Variants in FASTKD2 observed in about 807,000 individuals in gnomAD.
The protein encoded by FASTKD2 is FAST kinase domain-containing protein 2, mitochondrial.
A neutral mutation model predicts 63.6 loss-of-function variants in FASTKD2; 51 were observed. The ratio of observed to expected loss-of-function variants is 0.80; its 90% CI spans 0.64 to 1.01. The LOEUF (loss-of-function observed/expected upper bound fraction) is 1.01, where lower values mean the gene tolerates loss of function less well. Ranked by LOEUF, FASTKD2 falls within the 50% of genes least tolerant of loss-of-function variation. The pLI, the probability that FASTKD2 is intolerant of heterozygous loss-of-function variation, is 0.00. For missense variants in FASTKD2, 786 were observed against 831.1 expected (o/e 0.95, Z 0.67); for synonymous variants, 284 against 293.4 (o/e 0.97, Z 0.33).
intron 7 of FASTKD2, 135 bp from the exon 8 acceptor site, chr2:206,786,598 T>G (rs1368574369): frequency 3.8e-6 from 3 of 796,498 alleles, no homozygotes; most frequent in Admixed American, 1.8e-5. Context: ...ACACTTATTA[T>G]GAGATAACCA....
chr2:206,767,260 G>C lies in FASTKD2; in HGVS notation c.567G>C (p.Trp189Cys). ...GTAGCAACTATTTCACAGCAATGTG[G>C]ACAATTGCCAAAAGACTGTCTGATG... ...FPSSNYFTAMWTIAKRLSDDQ... is the reference protein window; with the variant it reads ...FPSSNYFTAMCTIAKRLSDDQ... Residue 189 changes from tryptophan to cysteine, a missense_variant, in exon 2 of 12, where the codon TGG (tryptophan) becomes TGC (cysteine). Transcript: ENST00000402774. 6.2e-7 allele frequency: 1 copy of C among 1,614,192 alleles called. No individual in the cohort carries two copies. The highest frequency in any genetic ancestry group is 2.2e-5 in the East Asian group (1 of 44,884).
rs947729535 is a variant in FASTKD2, at chr2:206,792,960, C to T, written c.*1158C>T. 2.0e-5 allele frequency among the ~76,000 whole-genome samples: 3 copies of T among 152,080 alleles called. No individual in the cohort carries two copies. Among genetic ancestry groups the T allele is most frequent in the Non-Finnish European group, 4.4e-5 (3 of 68,020 alleles). On this transcript the variant is annotated 3_prime_UTR_variant, in exon 12 of 12. Coordinates refer to ENST00000402774, the MANE Select transcript of FASTKD2 (RefSeq NM_001136193.2). ...AAAAACTGGGCTGGGCACGGTGGCT[C>T]GTGCTTGTCATCCCAGCACTTGGGA...
intron 9 of FASTKD2, 136 bp downstream of exon 9, chr2:206,788,291 A>T: frequency 1.6e-6 from 1 of 619,028 alleles, no homozygotes; most frequent in Non-Finnish European, 2.8e-6. Context: ...TTCTTGCCTC[A>T]TAAAATTCTT....
chr2:206,765,615 A>G lies in FASTKD2; in HGVS notation c.-183A>G. The G allele has an allele frequency of 2.3e-6, 2 of 863,760 alleles. No individual in the cohort carries two copies. Among genetic ancestry groups the G allele is most frequent in the Non-Finnish European group, 2.9e-6 (2 of 697,586 alleles). The allele number at this position is 863,760 out of a possible 1,614,324, so 53.5% of individuals were successfully genotyped here. On this transcript the variant is annotated 5_prime_UTR_variant, in exon 1 of 12. It removes an upstream start codon present in the reference 5' UTR. Transcript: ENST00000402774. ...AGCGCAGCTTCTCGGGGAAGCTGTCATGGCTGCTCCTGTACGTAGTCACGG... is the reference window on the plus strand; with the variant it reads ...AGCGCAGCTTCTCGGGGAAGCTGTCGTGGCTGCTCCTGTACGTAGTCACGG...
rs577105880 is a variant in FASTKD2, at chr2:206,765,628, T to A, written c.-170T>A. 3.6e-5 allele frequency: 27 copies of A among 745,340 alleles called. No individual in the cohort carries two copies. Among genetic ancestry groups the A allele is most frequent in the Non-Finnish European group, 4.4e-5 (26 of 594,856 alleles). 46.2% of individuals were successfully genotyped at this position (745,340 alleles called of 1,614,324 possible). On this transcript the variant is annotated 5_prime_UTR_variant, in exon 1 of 12. Transcript: ENST00000402774. ...GGGGAAGCTGTCATGGCTGCTCCTG[T>A]ACGTAGTCACGGTCTTGTGCTCTAA...
intron 6 of FASTKD2, among the ~76,000 whole-genome samples, chr2:206,773,333 A>G (rs547713420): frequency 8.5e-4 from 129 of 151,838 alleles, no homozygotes; most frequent in African/African-American, 2.7e-3. Flanking sequence ...AAAAAAAAAA[A>G]AAAAGGGTTG....
Position 206,766,782 on chromosome 2 carries a change from A to G in FASTKD2, c.89A>G (p.Gln30Arg), listed in dbSNP as rs1264781154. The change falls in exon 2 of 12, where the codon CAA becomes CGA. Residue 30 changes from glutamine (Q) to arginine (R), a missense_variant. Coordinates refer to ENST00000402774, the MANE Select transcript of FASTKD2 (RefSeq NM_001136193.2). ...KAGSFFWNLR[Q>R]FSTLVSTSRT... ...GGCTCCTTTTTCTGGAACCTTAGACAATTCAGTACATTAGTTTCAACAAGC... is the reference window on the plus strand; with the variant it reads ...GGCTCCTTTTTCTGGAACCTTAGACGATTCAGTACATTAGTTTCAACAAGC... 6.2e-7 allele frequency: 1 copy of G among 1,613,632 alleles called. No homozygotes were observed.
In FASTKD2 at chr2:206,793,064, TACAAAAA is replaced by T. The variant is rs1383920717; in HGVS notation, c.*1264_*1270del. Among the ~76,000 whole-genome samples, 3 of 151,128 alleles carry T rather than the reference TACAAAAA, an allele frequency of 2.0e-5. No individual in the cohort carries two copies. The highest frequency in any genetic ancestry group is 4.4e-5 in the Non-Finnish European group (3 of 67,846). ...CGGTGAAACCCCATCTCTACTAAAA[TACAAAAA>T]ATTAGCCGGGCATGGTGGTGCATGC... On this transcript the variant is annotated 3_prime_UTR_variant, in exon 12 of 12. Coordinates refer to ENST00000402774, the MANE Select transcript of FASTKD2 (RefSeq NM_001136193.2).
In FASTKD2 at chr2:206,767,436, C is replaced by A. The variant is rs779823675; in HGVS notation, c.743C>A (p.Thr248Asn). 3.1e-6 allele frequency: 5 copies of A among 1,612,500 alleles called. No homozygotes were observed. In the Admixed American group the frequency reaches 8.3e-5, roughly 27 times the overall value. ...GTGAAGCTTGGAATCCCTCAGAACACTATTTTGGTGCAGACTTTGCTGAGG... is the reference window on the plus strand; with the variant it reads ...GTGAAGCTTGGAATCCCTCAGAACAATATTTTGGTGCAGACTTTGCTGAGG... ...AIVKLGIPQN[T>N]ILVQTLLRVT... Residue 248 changes from threonine (T) to asparagine (N), a missense_variant, in exon 2 of 12, where the codon ACT (threonine) becomes AAT (asparagine). Physicochemically the swap from Thr to Asn is moderately conservative, Grantham distance 65 (BLOSUM62 0). Transcript: ENST00000402774.
At chr2:206,777,076 A>G (rs756482350) in intron 7 of FASTKD2, among the ~76,000 whole-genome samples, 1 of 151,958 alleles carries the variant, frequency 6.6e-6, no homozygotes, top group Non-Finnish European at 1.5e-5. Flanking sequence ...TGTTTTCCCA[A>G]TTTCCTTTTT....
intron 3 of FASTKD2, 98 bp downstream of exon 3, chr2:206,770,292 G>T (rs1689635115): frequency 2.4e-6 from 2 of 819,416 alleles, no homozygotes; most frequent in East Asian, 2.5e-5. Flanking sequence ...TTTCTTGAGG[G>T]GAGGAGGGGT....
chr2:206,775,299 C>A (rs1386777829), intron 7 of FASTKD2, among the ~76,000 whole-genome samples: 1 of 148,726 alleles, frequency 6.7e-6, no homozygotes, highest in Non-Finnish European at 1.5e-5. Context: ...AGGGATTCTG[C>A]TTTTACTAAG....
At position 206,792,961 on chromosome 2, in the gene FASTKD2, G is replaced by A. The variant is rs575685523; in HGVS notation, c.*1159G>A. ...AAAACTGGGCTGGGCACGGTGGCTC[G>A]TGCTTGTCATCCCAGCACTTGGGAG... is the stretch of plus-strand genomic sequence containing the variant. On this transcript the variant is annotated 3_prime_UTR_variant, in exon 12 of 12. Coordinates refer to ENST00000402774, the MANE Select transcript of FASTKD2 (RefSeq NM_001136193.2). 1.1e-4 allele frequency among the ~76,000 whole-genome samples: 17 copies of A among 152,084 alleles called. No homozygotes were observed. Among genetic ancestry groups the A allele is most frequent in the Non-Finnish European group, 2.1e-4 (14 of 68,002 alleles).
chr2:206,767,387 C>G lies in FASTKD2; in HGVS notation c.694C>G (p.Leu232Val). Residue 232 changes from leucine (L) to valine (V), a missense_variant, in exon 2 of 12, where the codon CTA (leucine) becomes GTA (valine). Coordinates refer to ENST00000402774, the MANE Select transcript of FASTKD2 (RefSeq NM_001136193.2). The part of the protein sequence containing the change: ...REAKIMQYKY[L>V]LFSLHAIVKL... ...AGCCAAGATCATGCAGTATAAGTAC[C>G]TACTGTTCAGTCTTCACGCCATAGT... The G allele has an allele frequency of 6.2e-7, 1 of 1,613,852 alleles. No homozygotes were observed. The highest frequency in any genetic ancestry group is 2.2e-5 in the East Asian group (1 of 44,874).
At chr2:206,785,819 C>T (rs939712128) in intron 7 of FASTKD2, among the ~76,000 whole-genome samples, 3 of 152,150 alleles carry the variant, frequency 2.0e-5, no homozygotes, top group African/African-American at 7.2e-5. Flanking sequence ...ATGGACCTCT[C>T]AGTTGATTTC....
At chr2:206,766,237 G>C (rs552828867) in intron 1 of FASTKD2, among the ~76,000 whole-genome samples, 2 of 141,878 alleles carry the variant, frequency 1.4e-5, no homozygotes, top group Non-Finnish European at 3.0e-5. Flanking sequence ...TCTAGCCTGG[G>C]GGACATAGCA....
intron 8 of FASTKD2, 21 bp downstream of exon 8, chr2:206,786,920 T>G: frequency 1.3e-6 from 2 of 1,522,984 alleles, no homozygotes; most frequent in Non-Finnish European, 1.8e-6. Context: ...AGTGCAGAAT[T>G]GGTCACCAAT....
At chr2:206,791,215 C>T (rs1238140639) in intron 11 of FASTKD2, 10 of 195,808 alleles carry the variant, frequency 5.1e-5, no homozygotes, top group Admixed American at 4.3e-4. Flanking sequence ...CTTACAAATA[C>T]ATTTATATAT....
chr2:206,771,967 T>C lies in FASTKD2; in HGVS notation c.1064T>C (p.Met355Thr). 6.2e-7 allele frequency: 1 copy of C among 1,613,060 alleles called. No individual in the cohort carries two copies. Among genetic ancestry groups the C allele is most frequent in the South Asian group, 1.1e-5 (1 of 91,050 alleles). ...CACATGTTTGAAGTACTAGCTGCCA[T>C]GAATCACCGATCTCTTATACTCCTG... ...SQHMFEVLAAMNHRSLILLDE... is the reference protein window; with the variant it reads ...SQHMFEVLAATNHRSLILLDE... Residue 355 changes from methionine (M) to threonine (T), a missense_variant, in exon 5 of 12, where the codon ATG (methionine) becomes ACG (threonine). By Grantham distance (81) the Met-to-Thr change is moderately conservative (BLOSUM62 -1). Coordinates refer to ENST00000402774, the MANE Select transcript of FASTKD2 (RefSeq NM_001136193.2).
Sources: allele counts gnomAD v4.1 joint callset (sites outside exome capture counted in the v4.1 genomes callset), GRCh38; gene constraint gnomAD v4.1.1; transcripts MANE v1.5; gene names NCBI Gene and HGNC (gene_info 2026-07-23, HGNC 2026-07-21).